GPHN: variants seen among roughly 807,000 people sequenced by gnomAD.
GPHN encodes gephyrin.
GPHN carries 17 observed loss-of-function variants against 95.5 expected under a neutral mutation model. The observed-to-expected ratio is 0.18, with a 90% CI of 0.12 to 0.27. The LOEUF (loss-of-function observed/expected upper bound fraction) is 0.27. Among genes scored for constraint, GPHN ranks in the 10% least tolerant of loss-of-function variants. GPHN has a pLI of 1.00. For missense variants in GPHN, 660 were observed against 978.1 expected (o/e 0.67, Z 4.34); for synonymous variants, 320 against 322.5 (o/e 0.99, Z 0.08).
chr14:67,419,552 G>A, the GPHN span, among the ~76,000 whole-genome samples: 1 of 152,206 alleles, frequency 6.6e-6, no homozygotes, highest in African/African-American at 2.4e-5. Flanking sequence ...GAAAGCAGGG[G>A]GGTTCTCATC....
intron 1 of GPHN, among the ~76,000 whole-genome samples, chr14:66,667,080 C>T (rs1313693798): frequency 1.3e-5 from 2 of 152,086 alleles, no homozygotes; most frequent in African/African-American, 2.4e-5. Context: ...TAGCTAACAA[C>T]AAAGCGAAAG....
intron 1 of GPHN, among the ~76,000 whole-genome samples, chr14:66,611,051 G>A (rs2062758674): frequency 6.6e-6 from 1 of 152,086 alleles, no homozygotes; most frequent in Non-Finnish European, 1.5e-5. Context: ...GAGAAGGCTT[G>A]GTCAAGCAAA....
At chr14:67,636,456 T>G in the GPHN span, among the ~76,000 whole-genome samples, 1 of 152,226 alleles carries the variant, frequency 6.6e-6, no homozygotes, top group Admixed American at 6.5e-5. Flanking sequence ...GTAGAGCGTG[T>G]AGCACAGTGT....
intron 11 of GPHN, among the ~76,000 whole-genome samples, chr14:67,064,601 C>G (rs1419920113): frequency 1.3e-5 from 2 of 152,170 alleles, no homozygotes; most frequent in Admixed American, 6.5e-5. Context: ...ATTATTGCCT[C>G]AATTTCAGAG....
the GPHN span, among the ~76,000 whole-genome samples, chr14:67,633,857 C>T: frequency 6.6e-6 from 1 of 152,212 alleles, no homozygotes; most frequent in South Asian, 2.1e-4. Flanking sequence ...TTATTCCTGG[C>T]TAATGTCTTC....
At chr14:67,312,294 G>A in the GPHN span, 2 of 283,118 alleles carry the variant, frequency 7.1e-6, no homozygotes, top group Non-Finnish European at 1.3e-5. Context: ...ATGAAAAATT[G>A]TGGCCAAGTG....
the GPHN span, among the ~76,000 whole-genome samples, chr14:67,436,059 T>A: frequency 6.6e-6 from 1 of 152,240 alleles, no homozygotes; most frequent in African/African-American, 2.4e-5. Flanking sequence ...TTAGGGCTGA[T>A]TCCCGAGGCA....
At chr14:66,557,266 T>G in intron 1 of GPHN, among the ~76,000 whole-genome samples, 1 of 149,714 alleles carries the variant, frequency 6.7e-6, no homozygotes, top group Non-Finnish European at 1.5e-5. Context: ...GATAGATAGA[T>G]AGATAGATAG....
chr14:67,478,697 C>T, the GPHN span, among the ~76,000 whole-genome samples: 1 of 152,168 alleles, frequency 6.6e-6, no homozygotes, highest in Admixed American at 6.5e-5. Flanking sequence ...GCTGTTTTTG[C>T]TACCTGGGCC....
intron 3 of GPHN, among the ~76,000 whole-genome samples, chr14:66,808,437 T>C (rs971372195): frequency 2.0e-5 from 3 of 152,248 alleles, no homozygotes; most frequent in Non-Finnish European, 4.4e-5. Context: ...GTGAATGATC[T>C]TGAAGGAGTT....
At chr14:66,799,633 G>T (rs772715034) in intron 3 of GPHN, among the ~76,000 whole-genome samples, 1 of 151,754 alleles carries the variant, frequency 6.6e-6, no homozygotes, top group African/African-American at 2.4e-5. Flanking sequence ...ATCAATTCCT[G>T]CTCTTTTTAT....
chr14:67,687,766 C>T, the GPHN span, among the ~76,000 whole-genome samples: 3 of 149,782 alleles, frequency 2.0e-5, no homozygotes, highest in Admixed American at 6.7e-5. Flanking sequence ...CCACCACGTC[C>T]GGCCCTTTTT....
At chr14:67,680,745 C>T in the GPHN span, among the ~76,000 whole-genome samples, 41 of 152,324 alleles carry the variant, frequency 2.7e-4, no homozygotes, top group Non-Finnish European at 4.9e-4. Context: ...AGGCGTGAGC[C>T]GCCGCGCCCA....
chr14:66,590,239 A>G (rs2061583364), intron 1 of GPHN, among the ~76,000 whole-genome samples: 1 of 152,190 alleles, frequency 6.6e-6, no homozygotes. Context: ...TCTAACATCG[A>G]CACCCTAACA....
At chr14:67,732,269 C>A in the GPHN span, among the ~76,000 whole-genome samples, 1 of 151,656 alleles carries the variant, frequency 6.6e-6, no homozygotes, top group South Asian at 2.1e-4. Flanking sequence ...AGACCCCCAT[C>A]TCTACTAAAA....
At chr14:66,799,879 T>G (rs574925297) in intron 3 of GPHN, among the ~76,000 whole-genome samples, 1 of 152,144 alleles carries the variant, frequency 6.6e-6, no homozygotes, top group South Asian at 2.1e-4. Flanking sequence ...TTTTGTGGTC[T>G]TTTCATCCTG....
chr14:67,600,455 G>T, the GPHN span, among the ~76,000 whole-genome samples: 1 of 152,214 alleles, frequency 6.6e-6, no homozygotes, highest in Admixed American at 6.5e-5. Flanking sequence ...ATCGTTTTTA[G>T]ACCGGGCGCG....
chr14:67,310,906 CTCATTTTAGTCA>C, the GPHN span, among the ~76,000 whole-genome samples: 1 of 152,098 alleles, frequency 6.6e-6, no homozygotes, highest in Non-Finnish European at 1.5e-5. Flanking sequence ...ATCGACAGTA[CTCATTTTAGTCA>C]GTGTCTCAAG....
At chr14:66,522,517 G>A (rs1373510402) in intron 1 of GPHN, among the ~76,000 whole-genome samples, 2 of 152,078 alleles carry the variant, frequency 1.3e-5, no homozygotes, top group African/African-American at 4.8e-5. Context: ...CTCTTAACCT[G>A]TATTTAGTCT....
Sources: gnomAD v4.1 joint callset for allele counts (sites outside exome capture counted in the v4.1 genomes callset) on GRCh38, gnomAD v4.1.1 for gene constraint, MANE v1.5 for transcripts, NCBI Gene and HGNC (gene_info 2026-07-23, HGNC 2026-07-21) for gene names.